Variants in ULK2 observed in about 807,000 individuals in gnomAD.
The protein encoded by ULK2 is serine/threonine-protein kinase ULK2.
Under a neutral mutation model 127.5 loss-of-function variants are expected in ULK2, and 76 were observed. The ratio of observed to expected loss-of-function variants is 0.60; its 90% CI spans 0.50 to 0.72. The LOEUF (loss-of-function observed/expected upper bound fraction) is 0.72, where lower values mean the gene tolerates loss of function less well. Among genes scored for constraint, ULK2 ranks in the 30% least tolerant of loss-of-function variants. The pLI, the probability that ULK2 is intolerant of heterozygous loss-of-function variation, is 0.00. For synonymous variants in ULK2, 452 were observed against 461.9 expected, an observed-to-expected ratio of 0.98 and a Z score of 0.28; for missense variants, 1,144 against 1,295.9, an observed-to-expected ratio of 0.88 and a Z score of 1.80.
intron 10 of ULK2, among the ~76,000 whole-genome samples, chr17:19,834,739 C>A (rs191239338): frequency 6.6e-6 from 1 of 151,950 alleles, no homozygotes; most frequent in Non-Finnish European, 1.5e-5. Context: ...TGGCAAAAAC[C>A]TCTCTACAAA....
At chr17:19,859,295 C>T (rs1263475186) in intron 3 of ULK2, among the ~76,000 whole-genome samples, 2 of 152,122 alleles carry the variant, frequency 1.3e-5, no homozygotes, top group East Asian at 3.8e-4. Flanking sequence ...AGGCGGGTCA[C>T]CTGAGGTCAG....
intron 11 of ULK2, 142 bp downstream of exon 11, chr17:19,825,997 A>ATAAATAAATAAATAAAT (rs1555560363): frequency 2.9e-4 from 17 of 59,376 alleles, no homozygotes; most frequent in Admixed American, 1.6e-3. Context: ...AAAAAAAAAA[A>ATAAATAAATAAATAAAT]AAAAAAATAA....
In ULK2 at chr17:19,783,709, C is replaced by T; in HGVS notation, c.2448G>A (p.Glu816=). ...ITFEAPELPE[E]TLMEREHTDT... The stretch of plus-strand genomic sequence containing the variant: ...GTCTCTTTTCTACCTCCATCAGCGT[C>T]TCCTCCGGCAGTTCAGGGGCTTCAA... Residue 816 remains glutamate, a synonymous_variant, in exon 22 of 27, where the codon GAG becomes GAA. Coordinates refer to ENST00000395544, the MANE Select transcript of ULK2 (RefSeq NM_014683.4). The T allele has an allele frequency of 6.5e-7, 1 of 1,536,656 alleles. No homozygotes were observed. The highest frequency in any genetic ancestry group is 2.4e-5 in the East Asian group (1 of 42,214).
At chr17:19,832,689 GGGGT>G (rs2041489287) in intron 10 of ULK2, among the ~76,000 whole-genome samples, 1 of 152,086 alleles carries the variant, frequency 6.6e-6, no homozygotes, top group Non-Finnish European at 1.5e-5. Flanking sequence ...TGTAGACAAA[GGGGT>G]GACCCCTAGG....
intron 17 of ULK2, among the ~76,000 whole-genome samples, chr17:19,798,201 C>T (rs1481011267): frequency 6.6e-6 from 1 of 151,322 alleles, no homozygotes; most frequent in Non-Finnish European, 1.5e-5. Flanking sequence ...CATAAGATAA[C>T]AGACCTTTCT....
At chr17:19,799,322 T>A (rs1247785580) in intron 17 of ULK2, among the ~76,000 whole-genome samples, 173 bp downstream of exon 17, 1 of 151,620 alleles carries the variant, frequency 6.6e-6, no homozygotes, top group Non-Finnish European at 1.5e-5. Flanking sequence ...CAAAAGGAGG[T>A]AGTAGATTAG....
intron 21 of ULK2, among the ~76,000 whole-genome samples, chr17:19,784,662 T>C (rs1567674913): frequency 2.0e-5 from 3 of 151,820 alleles, no homozygotes; most frequent in Non-Finnish European, 4.4e-5. Flanking sequence ...TAGCTGGGAC[T>C]ATAGGCGTAT....
intron 5 of ULK2, 73 bp downstream of exon 5, chr17:19,849,296 T>A: frequency 7.3e-7 from 1 of 1,370,458 alleles, no homozygotes; most frequent in Admixed American, 2.0e-5. Flanking sequence ...GTAGTGTATT[T>A]CACAAGTACC....
Position 19,781,119 on chromosome 17 carries a change from C to T in ULK2, c.2640-15G>A, listed in dbSNP as rs1175260360. On this transcript the variant is annotated splice_polypyrimidine_tract_variant and intron_variant, in intron 23 of 26. Coordinates refer to ENST00000395544, the MANE Select transcript of ULK2 (RefSeq NM_014683.4). ...GCTCCACCCGCCTGCACCCAAAAGA[C>T]AGTAGCAGAGGGTTATCTTGTGAAC... 1.9e-6 allele frequency: 3 copies of T among 1,611,554 alleles called. No individual in the cohort carries two copies. The highest frequency in any genetic ancestry group is 2.5e-6 in the Non-Finnish European group (3 of 1,178,310).
rs904335997 is a variant in ULK2 at position 19,774,753 on chromosome 17, T to C, written c.*1596A>G. On this transcript the variant is annotated 3_prime_UTR_variant, in exon 27 of 27. Transcript: ENST00000395544. ...ACCCAGCTACACCCTAGAAACACTT[T>C]GTCAGTTTTATTTTACCTTAATATA... 6.6e-6 allele frequency: 1 copy of C among 152,634 alleles called. No individual in the cohort carries two copies. Among genetic ancestry groups the C allele is most frequent in the African/African-American group, 2.4e-5 (1 of 41,462 alleles). 9.5% of individuals were successfully genotyped at this position (152,634 alleles called of 1,614,324 possible).
intron 3 of ULK2, among the ~76,000 whole-genome samples, chr17:19,859,273 G>T (rs545795352): frequency 2.0e-5 from 3 of 152,136 alleles, no homozygotes; most frequent in Non-Finnish European, 4.4e-5. Context: ...CAGCACTTTG[G>T]GAGGCTGAGG....
At chr17:19,847,075 A>G (rs1354327681) in intron 5 of ULK2, among the ~76,000 whole-genome samples, 165 bp from the exon 6 acceptor site, 1 of 152,180 alleles carries the variant, frequency 6.6e-6, no homozygotes, top group African/African-American at 2.4e-5. Context: ...CTATGAAGAG[A>G]TATCAGATTT....
At chr17:19,837,007 A>G (rs2041614757) in intron 10 of ULK2, among the ~76,000 whole-genome samples, 2 of 151,734 alleles carry the variant, frequency 1.3e-5, no homozygotes, top group East Asian at 3.9e-4. Flanking sequence ...AATCACTTGC[A>G]CCCAGGAGTT....
chr17:19,778,730 C>G (rs955391128), intron 25 of ULK2, among the ~76,000 whole-genome samples: 1 of 152,138 alleles, frequency 6.6e-6, no homozygotes, highest in Admixed American at 6.5e-5. Flanking sequence ...GCTGGGACTA[C>G]AGGTGCATGC....
intron 10 of ULK2, among the ~76,000 whole-genome samples, chr17:19,830,874 A>AAC (rs2041422408): frequency 1.3e-5 from 2 of 152,052 alleles, no homozygotes; most frequent in Non-Finnish European, 2.9e-5. Context: ...TAAAAATACA[A>AAC]AAATTAGCCA....
chr17:19,829,747 A>C (rs2041390357), intron 10 of ULK2, among the ~76,000 whole-genome samples: 1 of 151,348 alleles, frequency 6.6e-6, no homozygotes, highest in African/African-American at 2.4e-5. Context: ...GAGGCAGGAG[A>C]ATCGCTTGAA....
chr17:19,792,959 G>C (rs775424836), intron 20 of ULK2, among the ~76,000 whole-genome samples: 10 of 152,190 alleles, frequency 6.6e-5, no homozygotes, highest in Non-Finnish European at 1.3e-4. Context: ...AAATAGTTAA[G>C]AGTCCAGAAA....
Position 19,804,839 on chromosome 17 carries a change from G to T in ULK2, c.1158-9C>A. ...CAGTAGGCTGACACTGCCTGCAATC[G>T]TAATTTATTGAAAAAGGAAAGAAAC... On this transcript the variant is annotated splice_polypyrimidine_tract_variant and intron_variant, in intron 14 of 26. Transcript: ENST00000395544. 1 of 1,608,754 alleles carries T rather than the reference G, an allele frequency of 6.2e-7. No homozygotes were observed. Among genetic ancestry groups the T allele is most frequent in the Non-Finnish European group, 8.5e-7 (1 of 1,177,694 alleles).
intron 10 of ULK2, among the ~76,000 whole-genome samples, chr17:19,830,580 C>T (rs1189860580): frequency 2.0e-5 from 3 of 148,006 alleles, no homozygotes; most frequent in African/African-American, 7.5e-5. Context: ...AAATCAAGGG[C>T]CGGGCGCAGT....
Sources: allele counts gnomAD v4.1 joint callset (sites outside exome capture counted in the v4.1 genomes callset), GRCh38; gene constraint gnomAD v4.1.1; transcripts MANE v1.5; gene names NCBI Gene and HGNC (gene_info 2026-07-23, HGNC 2026-07-21).